The following IKZF3 variants were observed in gnomAD, a reference collection of about 807,000 sequenced individuals.
IKZF3 encodes IKAROS family zinc finger 3, also known as zinc finger protein Aiolos.
A neutral mutation model predicts 49.0 loss-of-function variants in IKZF3; 10 were observed. That is an observed-to-expected ratio of 0.20 (90% CI 0.13 to 0.35). The LOEUF is 0.35. IKZF3 is among the 10% of genes least tolerant of loss of function. IKZF3 has a pLI of 1.00. For synonymous variants in IKZF3, 209 were observed against 228.2 expected (o/e 0.92, Z 0.76); for missense variants, 498 against 664.8 (o/e 0.75, Z 2.76).
At chr17:39,769,850 A>C (rs970381784) in intron 7 of IKZF3, among the ~76,000 whole-genome samples, 1 of 152,216 alleles carries the variant, frequency 6.6e-6, no homozygotes, top group Non-Finnish European at 1.5e-5. Flanking sequence ...CTACAATTTC[A>C]CAATCTATAC....
rs189903929 is a variant in IKZF3, at chr17:39,772,610, G to A, written c.826+5041C>T. On this transcript the variant is annotated intron_variant, in intron 7 of 7. Coordinates refer to ENST00000346872, the MANE Select transcript of IKZF3 (RefSeq NM_012481.5). ...ACAAGAAGAAACAGGAAGGAGGAAA[G>A]AACAGAGAGAGCTGTGGGGGTGGCA... Among the ~76,000 whole-genome samples the A allele has an allele frequency of 1.7e-3, 266 of 152,290 alleles. 1 individual carries two copies. The highest frequency in any genetic ancestry group is 5.7e-3 in the African/African-American group (239 of 41,572).
intron 1 of IKZF3, chr17:39,835,765 G>A (rs1031595289): frequency 1.2e-4 from 61 of 514,542 alleles, no homozygotes; most frequent in Admixed American, 1.9e-4. Context: ...TGCCATCCAG[G>A]TAAGACTCCA....
intron 1 of IKZF3, among the ~76,000 whole-genome samples, chr17:39,841,438 C>T (rs759374891): frequency 1.3e-5 from 2 of 152,008 alleles, no homozygotes; most frequent in Non-Finnish European, 2.9e-5. Context: ...AGGGCATCTA[C>T]ATTTTAGGGG....
intron 6 of IKZF3, among the ~76,000 whole-genome samples, chr17:39,779,879 T>C (rs2060692813): frequency 1.3e-5 from 2 of 152,166 alleles, no homozygotes; most frequent in African/African-American, 2.4e-5. Context: ...GAAGAATAAA[T>C]TGAAATTAGT....
chr17:39,846,221 C>T (rs2062626571), intron 1 of IKZF3, among the ~76,000 whole-genome samples: 3 of 152,142 alleles, frequency 2.0e-5, no homozygotes, highest in African/African-American at 7.2e-5. Context: ...AACTAGTCTA[C>T]TACTGAGATA....
intron 7 of IKZF3, among the ~76,000 whole-genome samples, chr17:39,770,103 C>T (rs1338915348): frequency 2.0e-5 from 3 of 152,164 alleles, no homozygotes; most frequent in Non-Finnish European, 4.4e-5. Flanking sequence ...TTATCAGTCA[C>T]CTGTAGACAC....
At chr17:39,770,744 T>A (rs1236615081) in intron 7 of IKZF3, among the ~76,000 whole-genome samples, 1 of 151,138 alleles carries the variant, frequency 6.6e-6, no homozygotes, top group Non-Finnish European at 1.5e-5. Context: ...CCCTGCTGTA[T>A]CCACCGTGCC....
Position 39,759,108 on chromosome 17 carries a change from G to A in IKZF3, c.*6682C>T, listed in dbSNP as rs894654393. On this transcript the variant is annotated 3_prime_UTR_variant, in exon 8 of 8. Coordinates refer to ENST00000346872, the MANE Select transcript of IKZF3 (RefSeq NM_012481.5). ...TCAACACATAAGACAGCCCACAATT[G>A]TGATACAGTATTAAGAAGAAACTCA... The A allele has an allele frequency of 3.9e-5, 6 of 151,908 alleles. No homozygotes were observed. Among genetic ancestry groups the A allele is most frequent in the African/African-American group, 1.5e-4 (6 of 41,326 alleles). The allele number at this position is 151,908 out of a possible 1,614,324, so 9.4% of individuals were successfully genotyped here. A position where few individuals can be genotyped will look rare whatever the true frequency, so the allele number is the denominator to read the frequency against.
chr17:39,757,843 GCTGA>G lies in IKZF3; in HGVS notation c.*7943_*7946del, dbSNP rs1344563939. The G allele has an allele frequency of 6.6e-6, 1 of 152,180 alleles. No homozygotes were observed. The allele number at this position is 152,180 out of a possible 1,614,324, so 9.4% of individuals were successfully genotyped here. On this transcript the variant is annotated 3_prime_UTR_variant, in exon 8 of 8. Transcript: ENST00000346872. ...GGGTTAGCATTGTTACATTTCAGAA[GCTGA>G]CTTTCTTTAAACCATCTTTACAGAG...
At chr17:39,855,281 A>C (rs1006175328) in intron 1 of IKZF3, among the ~76,000 whole-genome samples, 7 of 152,090 alleles carry the variant, frequency 4.6e-5, no homozygotes, top group Non-Finnish European at 7.4e-5. Context: ...TCTAATCCTA[A>C]CTCTTGTTGA....
chr17:39,804,475 T>C (rs1167733366), intron 3 of IKZF3, among the ~76,000 whole-genome samples: 2 of 149,908 alleles, frequency 1.3e-5, no homozygotes, highest in Non-Finnish European at 3.0e-5. Flanking sequence ...ATTGAATGAA[T>C]GAATGAATGA....
intron 6 of IKZF3, among the ~76,000 whole-genome samples, chr17:39,784,666 T>C (rs1447945052): frequency 2.0e-5 from 3 of 152,204 alleles, no homozygotes; most frequent in Non-Finnish European, 4.4e-5. Context: ...CCTCCCAAAG[T>C]GTCAGGATTA....
At chr17:39,850,298 T>C (rs978876767) in intron 1 of IKZF3, among the ~76,000 whole-genome samples, 1 of 140,310 alleles carries the variant, frequency 7.1e-6, no homozygotes, top group African/African-American at 2.6e-5. Context: ...ATATACAATA[T>C]ATAGCATATT....
At chr17:39,824,163 A>T (rs1383268303) in intron 3 of IKZF3, among the ~76,000 whole-genome samples, 2 of 152,248 alleles carry the variant, frequency 1.3e-5, no homozygotes, top group African/African-American at 4.8e-5. Flanking sequence ...CGTGACGTGG[A>T]TGTGAGACAT....
rs2061060017 is a variant in IKZF3, at chr17:39,792,823, C to G, written c.274G>C (p.Glu92Gln). The change falls in exon 4 of 8, where the codon GAA becomes CAA. Residue 92 changes from glutamate (E) to glutamine (Q), a missense_variant. By Grantham distance (29) the Glu-to-Gln change is conservative (BLOSUM62 2). Coordinates refer to ENST00000346872, the MANE Select transcript of IKZF3 (RefSeq NM_012481.5). ...TTAATGTTTTCATATTCATTATATTCTCTTGAATAGCTGTAAGGGATTTCA... is the reference window on the plus strand; with the variant it reads ...TTAATGTTTTCATATTCATTATATTGTCTTGAATAGCTGTAAGGGATTTCA... The part of the protein sequence containing the change: ...EPEIPYSYSR[E>Q]YNEYENIKLE... The G allele has an allele frequency of 1.2e-6, 2 of 1,614,130 alleles. No homozygotes were observed. Among genetic ancestry groups the G allele is most frequent in the Non-Finnish European group, 1.7e-6 (2 of 1,179,980 alleles).
At chr17:39,826,444 T>C (rs111469562) in intron 3 of IKZF3, among the ~76,000 whole-genome samples, 3,653 of 152,340 alleles carry the variant, frequency 0.024, 62 homozygotes, top group Non-Finnish European at 0.037. Flanking sequence ...CTGAATAATC[T>C]GCTGTTTTCC....
chr17:39,851,837 T>G (rs913299682), intron 1 of IKZF3, among the ~76,000 whole-genome samples: 5 of 152,124 alleles, frequency 3.3e-5, no homozygotes, highest in African/African-American at 1.2e-4. Context: ...CTCACACATC[T>G]CCAAATATCT....
At chr17:39,773,535 T>C (rs1297784354) in intron 7 of IKZF3, among the ~76,000 whole-genome samples, 1 of 152,236 alleles carries the variant, frequency 6.6e-6, no homozygotes, top group Admixed American at 6.5e-5. Context: ...CTCATTAACA[T>C]GTTTACCACA....
intron 1 of IKZF3, among the ~76,000 whole-genome samples, chr17:39,834,062 G>A (rs2062191275): frequency 6.6e-6 from 1 of 152,150 alleles, no homozygotes; most frequent in African/African-American, 2.4e-5. Context: ...GATCTTGACA[G>A]TTTTGAGTAC....
Sources: gnomAD v4.1 joint callset for allele counts (sites outside exome capture counted in the v4.1 genomes callset) on GRCh38, gnomAD v4.1.1 for gene constraint, MANE v1.5 for transcripts, NCBI Gene and HGNC (gene_info 2026-07-23, HGNC 2026-07-21) for gene names.